The following ARHGAP15 variants were observed in gnomAD, a reference collection of about 807,000 sequenced individuals.
ARHGAP15 encodes rho GTPase-activating protein 15.
In ARHGAP15, 51 loss-of-function variants were observed where a neutral mutation model predicts 63.7. The ratio of observed to expected loss-of-function variants is 0.80; its 90% CI spans 0.64 to 1.01. The LOEUF is 1.01. Ranked by LOEUF, ARHGAP15 falls within the 50% of genes least tolerant of loss-of-function variation. ARHGAP15 has a pLI of 0.00. For synonymous variants in ARHGAP15, 191 were observed against 193.8 expected (o/e 0.99, Z 0.12); for missense variants, 560 against 564.6 (o/e 0.99, Z 0.08).
intron 11 of ARHGAP15, among the ~76,000 whole-genome samples, chr2:143,581,664 A>C (rs1359976411): frequency 6.6e-6 from 1 of 152,166 alleles, no homozygotes; most frequent in African/African-American, 2.4e-5. Flanking sequence ...GGATTAGTAC[A>C]ACAATGTAAA....
intron 12 of ARHGAP15, among the ~76,000 whole-genome samples, chr2:143,646,766 G>A (rs1281286192): frequency 6.6e-6 from 1 of 152,020 alleles, no homozygotes; most frequent in Non-Finnish European, 1.5e-5. Context: ...TCTAAAAAGT[G>A]TGTCCTCTAC....
chr2:143,138,873 G>A (rs1430827809), intron 1 of ARHGAP15, among the ~76,000 whole-genome samples: 5 of 152,034 alleles, frequency 3.3e-5, no homozygotes. Flanking sequence ...ATATTTCGAA[G>A]TATTGGGTTA....
chr2:143,327,572 G>A (rs1198579681), intron 6 of ARHGAP15, among the ~76,000 whole-genome samples: 1 of 151,536 alleles, frequency 6.6e-6, no homozygotes, highest in Non-Finnish European at 1.5e-5. Context: ...GAACATAACA[G>A]AGGACCCCTT....
intron 6 of ARHGAP15, among the ~76,000 whole-genome samples, chr2:143,329,069 C>T (rs1323607992): frequency 6.6e-6 from 1 of 152,208 alleles, no homozygotes; most frequent in African/African-American, 2.4e-5. Flanking sequence ...ATGATACAAC[C>T]TTGCCCTCAC....
intron 5 of ARHGAP15, among the ~76,000 whole-genome samples, chr2:143,232,254 A>G (rs1489751157): frequency 6.6e-6 from 1 of 152,182 alleles, no homozygotes; most frequent in Non-Finnish European, 1.5e-5. Flanking sequence ...AGGACATTAT[A>G]AAATACCCAA....
intron 12 of ARHGAP15, among the ~76,000 whole-genome samples, chr2:143,701,237 T>TA (rs566122975): frequency 6.8e-4 from 103 of 152,310 alleles, no homozygotes; most frequent in Non-Finnish European, 1.2e-3. Context: ...TAATTCCTTA[T>TA]AAAAAAATTC....
chr2:143,200,845 T>A (rs1042574201), intron 2 of ARHGAP15, among the ~76,000 whole-genome samples: 1 of 152,100 alleles, frequency 6.6e-6, no homozygotes, highest in Non-Finnish European at 1.5e-5. Flanking sequence ...CTTAATAGAA[T>A]GTTGATCCTG....
rs1024217322 is a variant in ARHGAP15, at chr2:143,754,280, T to C, written c.1245-13709T>C. 2.6e-5 allele frequency among the ~76,000 whole-genome samples: 4 copies of C among 152,218 alleles called. No individual in the cohort carries two copies. In the East Asian group the frequency reaches 7.7e-4, roughly 29 times the overall value. On this transcript the variant is annotated intron_variant, in intron 13 of 13. Transcript: ENST00000295095. ...TAATCTTAGTCTATGGATACAGCAC[T>C]AAGCAAAAACAGATAAAGTCCTTGT...
chr2:143,565,934 A>T (rs1004412564), intron 11 of ARHGAP15, among the ~76,000 whole-genome samples: 3 of 152,192 alleles, frequency 2.0e-5, no homozygotes, highest in Admixed American at 6.5e-5. Context: ...TGGTAATTAC[A>T]GCTTTAGTGA....
chr2:143,186,705 C>T (rs761430023), intron 2 of ARHGAP15, among the ~76,000 whole-genome samples: 1 of 152,190 alleles, frequency 6.6e-6, no homozygotes, highest in African/African-American at 2.4e-5. Context: ...ATTTGGGAAT[C>T]ATTACTCTAT....
intron 11 of ARHGAP15, among the ~76,000 whole-genome samples, chr2:143,596,491 G>A (rs1043470648): frequency 3.3e-5 from 5 of 151,946 alleles, no homozygotes; most frequent in Admixed American, 2.0e-4. Flanking sequence ...ATATAGCTGG[G>A]CAAGGAGGTC....
chr2:143,204,804 C>T (rs12994078), intron 3 of ARHGAP15, among the ~76,000 whole-genome samples: 25,953 of 151,958 alleles, frequency 0.17, 2,422 homozygotes, highest in Middle Eastern at 0.24. Flanking sequence ...GCCCGGCCAT[C>T]CCACCTGCTT....
At chr2:143,710,253 GGCACCCTGATCACTTTAAAGAGCTAATGT>G (rs1483371616) in intron 13 of ARHGAP15, among the ~76,000 whole-genome samples, 3 of 152,066 alleles carry the variant, frequency 2.0e-5, no homozygotes, top group Non-Finnish European at 4.4e-5. Flanking sequence ...TATTTGAAAT[GGCACCCTGATCACTTTAAAGAGCTAATGT>G]ACTTCCTATG....
intron 6 of ARHGAP15, among the ~76,000 whole-genome samples, chr2:143,297,452 C>A (rs1250001967): frequency 6.6e-6 from 1 of 151,984 alleles, no homozygotes; most frequent in South Asian, 2.1e-4. Flanking sequence ...CTCCTTAGAC[C>A]CTGTCATCCT....
chr2:143,226,918 T>G (rs1693234463), intron 4 of ARHGAP15, among the ~76,000 whole-genome samples: 1 of 152,214 alleles, frequency 6.6e-6, no homozygotes, highest in South Asian at 2.1e-4. Context: ...AATCAAGCTC[T>G]TAGTTTCTAA....
At chr2:143,172,205 G>T (rs988190616) in intron 2 of ARHGAP15, 1 of 152,094 alleles carries the variant, frequency 6.6e-6, no homozygotes, top group Non-Finnish European at 1.5e-5. Context: ...AGGAAGACTG[G>T]GAGATGTGAT....
At chr2:143,224,185 A>G (rs1461065462) in intron 4 of ARHGAP15, among the ~76,000 whole-genome samples, 2 of 152,226 alleles carry the variant, frequency 1.3e-5, no homozygotes, top group African/African-American at 4.8e-5. Context: ...ATTGGACACT[A>G]GAAGCATAAA....
chr2:143,542,806 A>G (rs1167526970), intron 10 of ARHGAP15, among the ~76,000 whole-genome samples: 1 of 90,688 alleles, frequency 1.1e-5, no homozygotes, highest in Non-Finnish European at 2.3e-5. Flanking sequence ...CATATATAGT[A>G]TATATATGAT....
intron 6 of ARHGAP15, among the ~76,000 whole-genome samples, chr2:143,378,348 C>T (rs905416121): frequency 2.0e-5 from 3 of 151,984 alleles, no homozygotes; most frequent in African/African-American, 7.2e-5. Flanking sequence ...GAAATAAAGA[C>T]ACTTTTCTAT....
Sources: allele counts gnomAD v4.1 joint callset (sites outside exome capture counted in the v4.1 genomes callset), GRCh38; gene constraint gnomAD v4.1.1; transcripts MANE v1.5; gene names NCBI Gene and HGNC (gene_info 2026-07-23, HGNC 2026-07-21).